Variants in IPCEF1 observed in about 807,000 individuals in gnomAD.
The protein encoded by IPCEF1 is interaction protein for cytohesin exchange factors 1.
A neutral mutation model predicts 50.9 loss-of-function variants in IPCEF1; 31 were observed. That is an observed-to-expected ratio of 0.61 (90% CI 0.46 to 0.82). IPCEF1 has a LOEUF of 0.82. Ranked by LOEUF, IPCEF1 falls within the 40% of genes least tolerant of loss-of-function variation. The pLI is 0.00. For synonymous variants in IPCEF1, 181 were observed against 192.0 expected, an observed-to-expected ratio of 0.94 and a Z score of 0.47; for missense variants, 458 against 514.0, an observed-to-expected ratio of 0.89 and a Z score of 1.05.
At chr6:154,309,076 A>G (rs1783009424) in intron 1 of IPCEF1, among the ~76,000 whole-genome samples, 1 of 152,176 alleles carries the variant, frequency 6.6e-6, no homozygotes, top group Non-Finnish European at 1.5e-5. Context: ...GAGAAGGTCA[A>G]TATTTGCTAA....
chr6:154,318,661 C>T (rs1383317234), intron 1 of IPCEF1, among the ~76,000 whole-genome samples: 2 of 145,460 alleles, frequency 1.4e-5, no homozygotes, highest in African/African-American at 5.2e-5. Context: ...TGCAGTGAGC[C>T]GAGATCACAC....
intron 1 of IPCEF1, among the ~76,000 whole-genome samples, chr6:154,297,051 T>G (rs986499024): frequency 1.3e-5 from 2 of 151,660 alleles, no homozygotes; most frequent in Admixed American, 6.6e-5. Context: ...TTCTTTTCTC[T>G]CTCTCTCTTT....
At chr6:154,182,813 G>C (rs974209652) in intron 10 of IPCEF1, among the ~76,000 whole-genome samples, 5 of 152,044 alleles carry the variant, frequency 3.3e-5, no homozygotes, top group African/African-American at 4.8e-5. Flanking sequence ...CCATGATGGG[G>C]ACAAGTGAAT....
intron 1 of IPCEF1, among the ~76,000 whole-genome samples, chr6:154,327,092 A>G (rs990283816): frequency 3.0e-4 from 45 of 152,174 alleles, no homozygotes; most frequent in African/African-American, 1.1e-3. Context: ...TTAAATGTAA[A>G]ACCCAAAACC....
At chr6:154,238,321 T>C (rs982264705) in intron 5 of IPCEF1, among the ~76,000 whole-genome samples, 1 of 152,182 alleles carries the variant, frequency 6.6e-6, no homozygotes, top group Non-Finnish European at 1.5e-5. Context: ...AATGGCGCTG[T>C]CTCGGCTCAC....
At chr6:154,229,635 C>T (rs914769383) in intron 5 of IPCEF1, among the ~76,000 whole-genome samples, 4 of 152,016 alleles carry the variant, frequency 2.6e-5, no homozygotes, top group Admixed American at 6.5e-5. Context: ...GGATTACAGG[C>T]GTGAGCCACC....
chr6:154,191,023 T>G lies in IPCEF1; in HGVS notation c.910+8645A>C, dbSNP rs919720752. Among the ~76,000 whole-genome samples, 22 of 152,180 alleles carry G rather than the reference T, an allele frequency of 1.4e-4. 1 individual carries two copies. The highest frequency in any genetic ancestry group is 3.3e-4 in the Admixed American group (5 of 15,286). ...CTGAGCCGAGATCGCGCCACTGCACTGCAGCCTGGACGACAGAGAGAGACT... is the reference window on the plus strand; with the variant it reads ...CTGAGCCGAGATCGCGCCACTGCACGGCAGCCTGGACGACAGAGAGAGACT... On this transcript the variant is annotated intron_variant, in intron 10 of 11. Transcript: ENST00000367220.
chr6:154,284,699 T>C (rs113291091), intron 2 of IPCEF1, among the ~76,000 whole-genome samples: 5,608 of 152,100 alleles, frequency 0.037, 328 homozygotes, highest in African/African-American at 0.13. Flanking sequence ...ACATACAGTG[T>C]GGGTAAGAAA....
chr6:154,325,241 G>A (rs1783490940), intron 1 of IPCEF1, among the ~76,000 whole-genome samples: 1 of 152,096 alleles, frequency 6.6e-6, no homozygotes, highest in African/African-American at 2.4e-5. Flanking sequence ...AGAACAGTCT[G>A]TAAACTATGC....
At chr6:154,160,490 AT>A (rs1468442754) in intron 11 of IPCEF1, among the ~76,000 whole-genome samples, 1 of 152,244 alleles carries the variant, frequency 6.6e-6, no homozygotes, top group Non-Finnish European at 1.5e-5. Context: ...ATTTTATTAA[AT>A]TATCTTTATT....
chr6:154,302,292 C>T (rs948570009), intron 1 of IPCEF1, among the ~76,000 whole-genome samples: 1 of 152,184 alleles, frequency 6.6e-6, no homozygotes, highest in East Asian at 1.9e-4. Context: ...ACGCTCACTT[C>T]GAGAGGCAGC....
chr6:154,247,530 G>C (rs1204950802), intron 3 of IPCEF1, 42 bp from the exon 4 acceptor site: 2 of 1,570,790 alleles, frequency 1.3e-6, no homozygotes, highest in African/African-American at 2.7e-5. Context: ...ATTTCTGATT[G>C]TGTTGTAACA....
At chr6:154,256,961 G>C (rs1781477036) in intron 3 of IPCEF1, among the ~76,000 whole-genome samples, 2 of 152,134 alleles carry the variant, frequency 1.3e-5, no homozygotes, top group African/African-American at 2.4e-5. Context: ...TAATTTAAGT[G>C]TTCTGAACAT....
At chr6:154,283,431 C>CA (rs113601483) in intron 2 of IPCEF1, among the ~76,000 whole-genome samples, 5,079 of 150,684 alleles carry the variant, frequency 0.034, 268 homozygotes, top group African/African-American at 0.11. Context: ...CCCATCTCTA[C>CA]AAAAAAAATA....
chr6:154,270,640 T>A (rs1418687101), intron 2 of IPCEF1, among the ~76,000 whole-genome samples: 1 of 152,210 alleles, frequency 6.6e-6, no homozygotes, highest in Non-Finnish European at 1.5e-5. Context: ...TTGGCTTAAA[T>A]AATTTTGTCA....
intron 7 of IPCEF1, among the ~76,000 whole-genome samples, chr6:154,220,662 A>G (rs573367306): frequency 6.6e-6 from 1 of 152,268 alleles, no homozygotes; most frequent in African/African-American, 2.4e-5. Context: ...ATAAATAAAT[A>G]ACAGCTATTG....
At chr6:154,173,465 A>C (rs1237475716) in intron 10 of IPCEF1, among the ~76,000 whole-genome samples, 2 of 152,220 alleles carry the variant, frequency 1.3e-5, no homozygotes, top group Non-Finnish European at 2.9e-5. Context: ...GCCAGTGTAG[A>C]GAAGAGTTTA....
At chr6:154,290,679 A>G (rs564935446) in intron 1 of IPCEF1, among the ~76,000 whole-genome samples, 1 of 152,302 alleles carries the variant, frequency 6.6e-6, no homozygotes, top group Non-Finnish European at 1.5e-5. Context: ...TCTCATAGGA[A>G]AGAAGATCTG....
At chr6:154,348,518 G>GA (rs891593595) in intron 1 of IPCEF1, among the ~76,000 whole-genome samples, 1 of 152,166 alleles carries the variant, frequency 6.6e-6, no homozygotes, top group Non-Finnish European at 1.5e-5. Context: ...ACATTACGTG[G>GA]AAAATATTAG....
Sources: gnomAD v4.1 joint callset for allele counts (sites outside exome capture counted in the v4.1 genomes callset) on GRCh38, gnomAD v4.1.1 for gene constraint, MANE v1.5 for transcripts, NCBI Gene and HGNC (gene_info 2026-07-23, HGNC 2026-07-21) for gene names.